The following VIL1 variants were observed in gnomAD, a reference collection of about 807,000 sequenced individuals.
The protein encoded by VIL1 is villin-1.
Under a neutral mutation model 104.0 loss-of-function variants are expected in VIL1, and 86 were observed. The observed-to-expected ratio is 0.83, with a 90% CI of 0.69 to 0.99. The LOEUF (loss-of-function observed/expected upper bound fraction) is 0.99. VIL1 is among the 50% of genes least tolerant of loss of function. VIL1 has a pLI of 0.00. For synonymous variants in VIL1, 394 were observed against 412.6 expected, an observed-to-expected ratio of 0.95 and a Z score of 0.55; for missense variants, 944 against 1,054.1, an observed-to-expected ratio of 0.90 and a Z score of 1.45.
chr2:218,433,043 G>A lies in VIL1; in HGVS notation c.1500+92G>A, dbSNP rs955637569. On this transcript the variant is annotated intron_variant, in intron 13 of 19. Transcript: ENST00000248444. ...GAAGGGGATGGGTGGTGGGAGCAGG[G>A]CTTGAGGTGAAGCCCATTCTTCATA... 5.9e-6 allele frequency: 9 copies of A among 1,513,272 alleles called. No homozygotes were observed. The African/African-American group carries it at 1.2e-4, about 21-fold the overall frequency. The allele number at this position is 1,513,272 out of a possible 1,614,324, so 93.7% of individuals were successfully genotyped here.
Position 218,429,949 on chromosome 2 carries a change from T to C in VIL1, c.948+2T>C, listed in dbSNP as rs1198380040. On this transcript the variant is annotated splice_donor_variant, in intron 9 of 19. Coordinates refer to ENST00000248444, the MANE Select transcript of VIL1 (RefSeq NM_007127.3). LOFTEE classifies it high-confidence loss of function. ...AAGGGAGCCATGAGCCATGCGCTGG[T>C]AGTGGTGGGGGCGGGGGAGGGTCCA... The C allele has an allele frequency of 1.9e-6, 3 of 1,578,346 alleles. No individual in the cohort carries two copies. In the African/African-American group the frequency reaches 4.3e-5, roughly 23 times the overall value.
chr2:218,432,686 G>A, intron 12 of VIL1, 107 bp from the exon 13 acceptor site: 2 of 1,446,566 alleles, frequency 1.4e-6, no homozygotes, highest in South Asian at 1.3e-5. Context: ...AGACAATTGG[G>A]TTTAGGACCA....
At position 218,450,634 on chromosome 2, in the gene VIL1, C is replaced by T. The variant is rs1016089533; in HGVS notation, c.*1298C>T. 4.6e-5 allele frequency: 7 copies of T among 152,364 alleles called. No homozygotes were observed. Among genetic ancestry groups the T allele is most frequent in the Non-Finnish European group, 7.4e-5 (5 of 68,006 alleles). The allele number at this position is 152,364 out of a possible 1,614,324, so 9.4% of individuals were successfully genotyped here. On this transcript the variant is annotated 3_prime_UTR_variant, in exon 20 of 20. Transcript: ENST00000248444. ...ACCTGGGGACAAGAGGTGTGCACAC[C>T]CACATGTGGTCTCACTCTTCACACA... is the stretch of plus-strand genomic sequence containing the variant.
At chr2:218,434,732 C>T (rs369340549) in intron 14 of VIL1, 27 bp downstream of exon 14, 3 of 1,583,992 alleles carry the variant, frequency 1.9e-6, no homozygotes, top group East Asian at 4.5e-5. Flanking sequence ...GAGGCCTCCC[C>T]ATCCGCAAGT....
chr2:218,428,078 G>A lies in VIL1; in HGVS notation c.456+5G>A, dbSNP rs1454608383. 3.1e-6 allele frequency: 5 copies of A among 1,613,778 alleles called. No individual in the cohort carries two copies. The highest frequency in any genetic ancestry group is 3.4e-6 in the Non-Finnish European group (4 of 1,179,812). ...AGGAACGTGGTAGCTGGAGAGGTAG[G>A]CAGGCCCCACTGGAGCATCGGCCAG... is the stretch of plus-strand genomic sequence containing the variant. On this transcript the variant is annotated splice_donor_5th_base_variant and intron_variant, in intron 5 of 19. Transcript: ENST00000248444.
At chr2:218,423,929 A>T in intron 2 of VIL1, 76 bp downstream of exon 2, 2 of 1,546,800 alleles carry the variant, frequency 1.3e-6, no homozygotes, top group Non-Finnish European at 1.8e-6. Flanking sequence ...GAGGCCTGGG[A>T]TTTCTCTTCG....
At chr2:218,442,614 C>T (rs1344599185) in intron 19 of VIL1, among the ~76,000 whole-genome samples, 2 of 151,998 alleles carry the variant, frequency 1.3e-5, no homozygotes, top group Non-Finnish European at 2.9e-5. Flanking sequence ...GGAATTACAG[C>T]GACTGCACCC....
chr2:218,430,637 C>A, intron 9 of VIL1, 88 bp from the exon 10 acceptor site: 1 of 1,476,336 alleles, frequency 6.8e-7, no homozygotes, highest in Non-Finnish European at 9.1e-7. Context: ...GATGGTGGAT[C>A]TGGTTAGGTT....
chr2:218,440,599 A>AGGGTG (rs1689269645), intron 18 of VIL1, 123 bp from the exon 19 acceptor site: 1 of 1,140,686 alleles, frequency 8.8e-7, no homozygotes, highest in African/African-American at 1.5e-5. Flanking sequence ...TGTGTGTGGC[A>AGGGTG]GGGTGGGGTG....
chr2:218,430,045 G>A, intron 9 of VIL1, 98 bp downstream of exon 9: 1 of 1,105,132 alleles, frequency 9.0e-7, no homozygotes, highest in Non-Finnish European at 1.3e-6. Context: ...CTCAGACCAG[G>A]GCATAGTGCC....
At position 218,429,415 on chromosome 2, in the gene VIL1, G is replaced by A. The variant is rs375853703; in HGVS notation, c.698G>A (p.Arg233His). The A allele has an allele frequency of 2.8e-5, 45 of 1,613,996 alleles. No homozygotes were observed. The highest frequency in any genetic ancestry group is 2.7e-5 in the African/African-American group (2 of 74,952). ...GTGATGAACCACGTGCTGGGCAAGC[G>A]CAGGGAGCTGAAGGCGGCCGTGCCC... ...MEVMNHVLGK[R>H]RELKAAVPDT... Residue 233 changes from arginine (R) to histidine (H), a missense_variant, in exon 7 of 20, where the codon CGC becomes CAC. Coordinates refer to ENST00000248444, the MANE Select transcript of VIL1 (RefSeq NM_007127.3).
Position 218,435,236 on chromosome 2 carries a change from G to A in VIL1, c.1681-53G>A. The A allele has an allele frequency of 3.1e-6, 5 of 1,592,584 alleles. No homozygotes were observed. In the Admixed American group the frequency reaches 6.8e-5, roughly 22 times the overall value. ...GAACTCTGGGCAGTGAATGTAGTAG[G>A]AGGGTGGAGGTAGGGGTGGCACTAG... On this transcript the variant is annotated intron_variant, in intron 14 of 19. Transcript: ENST00000248444.
intron 19 of VIL1, among the ~76,000 whole-genome samples, chr2:218,446,283 G>A (rs1689362582): frequency 2.6e-5 from 4 of 152,148 alleles, no homozygotes; most frequent in Admixed American, 6.6e-5. Context: ...TGCCCAAGCT[G>A]GAGTGCAGTG....
At chr2:218,447,618 C>A (rs372472981) in intron 19 of VIL1, among the ~76,000 whole-genome samples, 21 of 152,278 alleles carry the variant, frequency 1.4e-4, no homozygotes, top group African/African-American at 3.9e-4. Context: ...CCACACCTGG[C>A]CCTAATAAAA....
Position 218,432,200 on chromosome 2 carries a change from TCCCA to T in VIL1, c.1341+22_1341+25del. On this transcript the variant is annotated intron_variant, in intron 12 of 19. Transcript: ENST00000248444. ...GTTTGGCAGGTCAGGTCCCGCCACGTCCCACCCAGAGCACAGCCGGCTTAGCTCT... is the reference window on the plus strand; with the variant it reads ...GTTTGGCAGGTCAGGTCCCGCCACGTCCCAGAGCACAGCCGGCTTAGCTCT... The T allele has an allele frequency of 6.2e-7, 1 of 1,608,670 alleles. No individual in the cohort carries two copies. Among genetic ancestry groups the T allele is most frequent in the South Asian group, 1.1e-5 (1 of 90,630 alleles).
At chr2:218,430,411 G>A (rs1477128090) in intron 9 of VIL1, among the ~76,000 whole-genome samples, 1 of 152,164 alleles carries the variant, frequency 6.6e-6, no homozygotes, top group African/African-American at 2.4e-5. Flanking sequence ...TAGCATTGAG[G>A]TAGGGTCACA....
rs769480336 is a variant in VIL1, at chr2:218,423,875, G to A, written c.75+22G>A. ...CGAGGTGAGGCCCTGTCTGGGCATG[G>A]GGGCTGCTCAGGCCTGGGGTGGAGG... On this transcript the variant is annotated intron_variant, in intron 2 of 19. Coordinates refer to ENST00000248444, the MANE Select transcript of VIL1 (RefSeq NM_007127.3). 3.2e-5 allele frequency: 51 copies of A among 1,613,802 alleles called. 1 individual carries two copies. The highest frequency in any genetic ancestry group is 4.1e-5 in the Non-Finnish European group (48 of 1,179,718).
intron 15 of VIL1, among the ~76,000 whole-genome samples, chr2:218,436,104 G>A (rs1689184845): frequency 6.6e-6 from 1 of 152,174 alleles, no homozygotes; most frequent in African/African-American, 2.4e-5. Context: ...CTCCCAAAAT[G>A]CTAGGATTAC....
rs879232100 is a variant in VIL1 at position 218,451,995 on chromosome 2, A to G, written c.*2659A>G. 2 of 152,666 alleles carry G rather than the reference A, an allele frequency of 1.3e-5. No homozygotes were observed. The highest frequency in any genetic ancestry group is 4.1e-4 in the South Asian group (2 of 4,836). 9.5% of individuals were successfully genotyped at this position (152,666 alleles called of 1,614,324 possible). On this transcript the variant is annotated 3_prime_UTR_variant, in exon 20 of 20. Coordinates refer to ENST00000248444, the MANE Select transcript of VIL1 (RefSeq NM_007127.3). The stretch of plus-strand genomic sequence containing the variant: ...TGAATATATCCCTACGAAACAGTCT[A>G]TCTTCTCATAGGCTTAAATTATAGT...
Sources: allele counts gnomAD v4.1 joint callset (sites outside exome capture counted in the v4.1 genomes callset), GRCh38; gene constraint gnomAD v4.1.1; transcripts MANE v1.5; gene names NCBI Gene and HGNC (gene_info 2026-07-23, HGNC 2026-07-21).